Variants in HAUS7 observed in about 807,000 individuals in gnomAD.
The protein encoded by HAUS7 is HAUS augmin like complex subunit 7, also known as HAUS augmin-like complex subunit 7.
A neutral mutation model predicts 28.4 loss-of-function variants in HAUS7; 3 were observed. The observed-to-expected ratio is 0.11, with a 90% CI of 0.05 to 0.27. The LOEUF (loss-of-function observed/expected upper bound fraction) is 0.27, where lower values mean the gene tolerates loss of function less well. Ranked by LOEUF, HAUS7 falls within the 10% of genes least tolerant of loss-of-function variation. The probability of loss-of-function intolerance (pLI) is 1.00; values close to 1 mark genes in which losing one functional copy is unlikely to be tolerated. For synonymous variants in HAUS7, 165 were observed against 132.1 expected (o/e 1.25, Z -1.71); for missense variants, 284 against 297.3 (o/e 0.96, Z 0.33).
chrX:153,451,532 C>T (rs965110436), intron 9 of HAUS7, among the ~76,000 whole-genome samples: 3 of 111,797 alleles, frequency 2.7e-5, no homozygotes, highest in Non-Finnish European at 3.8e-5. Context: ...CCTGGCTCTC[C>T]GAGGAGACGG....
At position 153,488,163 on chromosome X, in the gene HAUS7, T is replaced by C. The variant is rs782356257; in HGVS notation, c.-589+7211A>G. 4.3e-3 allele frequency among the ~76,000 whole-genome samples: 482 copies of C among 113,188 alleles called. 1 individual carries two copies. Among genetic ancestry groups the C allele is most frequent in the African/African-American group, 0.015 (473 of 31,195 alleles). On this transcript the variant is annotated intron_variant, in intron 1 of 5. Coordinates refer to the HAUS7 transcript ENST00000370210. ...AGCGCATGGCTCCGTCCCTGTCCTCTGTCCCTCTAACTTGTGAGCCTCCAG... is the reference window on the plus strand; with the variant it reads ...AGCGCATGGCTCCGTCCCTGTCCTCCGTCCCTCTAACTTGTGAGCCTCCAG...
chrX:153,456,921 C>T (rs2089320574), intron 5 of HAUS7: 1 of 441,512 alleles, frequency 2.3e-6, no homozygotes. Context: ...TTCATACTCA[C>T]CCCCGGGGCC....
intron 1 of HAUS7, among the ~76,000 whole-genome samples, chrX:153,490,607 C>T (rs1556989436): frequency 8.8e-6 from 1 of 113,030 alleles, no homozygotes; most frequent in African/African-American, 3.2e-5. Flanking sequence ...GGGTTGCCCA[C>T]TGGTGTCTGC....
intron 2 of HAUS7, among the ~76,000 whole-genome samples, chrX:153,468,633 G>A (rs782140626): frequency 2.6e-4 from 29 of 112,510 alleles, no homozygotes; most frequent in Non-Finnish European, 4.1e-4. Flanking sequence ...AGGCACCAGA[G>A]GACTGGGAAA....
intron 7 of HAUS7, 70 bp downstream of exon 7, chrX:153,456,195 C>A (rs1484139396): frequency 2.4e-6 from 2 of 828,453 alleles, no homozygotes; most frequent in South Asian, 2.1e-5. Flanking sequence ...CTAAGCCTCA[C>A]GTGCTGAGGG....
chrX:153,447,985 C>A, intron 9 of HAUS7, 76 bp from the exon 10 acceptor site: 1 of 818,713 alleles, frequency 1.2e-6, no homozygotes, highest in Non-Finnish European at 1.8e-6. Context: ...GTCAGTGTGG[C>A]GATTCCTCAG....
intron 4 of HAUS7, 132 bp downstream of exon 4, chrX:153,462,478 G>A (rs998600966): frequency 1.1e-5 from 6 of 556,657 alleles, no homozygotes; most frequent in East Asian, 7.2e-5. Context: ...GCACCCAGCC[G>A]GCCCCAGGGC....
intron 9 of HAUS7, among the ~76,000 whole-genome samples, chrX:153,453,235 T>C (rs914208033): frequency 8.9e-6 from 1 of 111,734 alleles, no homozygotes; most frequent in African/African-American, 3.3e-5. Flanking sequence ...ACAGACAGCG[T>C]CTCTATGACA....
chrX:153,480,918 G>A, intron 1 of HAUS7: 2 of 755,120 alleles, frequency 2.6e-6, no homozygotes, highest in Non-Finnish European at 3.1e-6. Flanking sequence ...TCAAGAGGGG[G>A]CAGCAGTCAC....
chrX:153,452,579 T>A (rs1319534873), intron 9 of HAUS7, among the ~76,000 whole-genome samples: 3 of 112,567 alleles, frequency 2.7e-5, no homozygotes, highest in African/African-American at 9.7e-5. Context: ...TTTGCTTTAA[T>A]AGGAGGCAGT....
chrX:153,465,271 G>C (rs1164324861), intron 2 of HAUS7, among the ~76,000 whole-genome samples: 9 of 81,124 alleles, frequency 1.1e-4, no homozygotes, highest in African/African-American at 3.5e-4. Context: ...TCTGGATACA[G>C]AAATGAATCT....
intron 1 of HAUS7, chrX:153,482,516 C>G (rs1024740076): frequency 6.7e-6 from 5 of 746,817 alleles, no homozygotes; most frequent in Non-Finnish European, 6.3e-6. Context: ...AGGTGCCCCA[C>G]CCCCAGGACA....
chrX:153,482,600 G>A (rs1318793486), intron 1 of HAUS7: 16 of 713,748 alleles, frequency 2.2e-5, no homozygotes, highest in Non-Finnish European at 2.5e-5. Context: ...TGGCTGGAAC[G>A]CAGAGGAGAC....
chrX:153,463,178 T>A (rs1456608928), intron 3 of HAUS7: 2 of 319,922 alleles, frequency 6.3e-6, no homozygotes, highest in Non-Finnish European at 1.2e-5. Context: ...TCCAGCCACA[T>A]CTGCCAGGGT....
upstream of HAUS7, among the ~76,000 whole-genome samples, chrX:153,474,086 G>A (rs1459371989): frequency 6.2e-5 from 7 of 112,591 alleles, no homozygotes; most frequent in East Asian, 1.1e-3. Flanking sequence ...GGAGCCCTGC[G>A]GCCTGTGGCC....
chrX:153,464,647 G>A (rs2089434165), intron 3 of HAUS7, among the ~76,000 whole-genome samples: 1 of 112,686 alleles, frequency 8.9e-6, no homozygotes, highest in Non-Finnish European at 1.9e-5. Context: ...TAGAAAGGAG[G>A]TTATAAGGCA....
At chrX:153,485,887 C>G (rs782688096) in intron 1 of HAUS7, 1 of 928,442 alleles carries the variant, frequency 1.1e-6, no homozygotes, top group South Asian at 2.3e-5. Flanking sequence ...TCCCTGGCTA[C>G]GCGTTCGCGC....
At chrX:153,491,514 T>C (rs1188568640) in intron 1 of HAUS7, among the ~76,000 whole-genome samples, 1 of 112,275 alleles carries the variant, frequency 8.9e-6, no homozygotes, top group East Asian at 2.8e-4. Context: ...CCTTCTTCCG[T>C]GGCCCTCTCC....
intron 1 of HAUS7, among the ~76,000 whole-genome samples, chrX:153,484,263 G>A (rs1390353101): frequency 8.9e-6 from 1 of 112,419 alleles, no homozygotes; most frequent in Admixed American, 9.4e-5. Context: ...AGCTCAGCTC[G>A]ACATCCTCCC....
Sources: allele counts gnomAD v4.1 joint callset (sites outside exome capture counted in the v4.1 genomes callset), GRCh38; gene constraint gnomAD v4.1.1; transcripts MANE v1.5; gene names NCBI Gene and HGNC (gene_info 2026-07-23, HGNC 2026-07-21).